Variants in B3GALNT2 observed in about 807,000 individuals in gnomAD.
B3GALNT2 encodes beta-1,3-N-acetylgalactosaminyltransferase 2, also known as UDP-GalNAc:beta-1,3-N-acetylgalactosaminyltransferase 2.
B3GALNT2 carries 53 observed loss-of-function variants against 61.1 expected under a neutral mutation model. The observed-to-expected ratio is 0.87, with a 90% CI of 0.70 to 1.09. B3GALNT2 has a LOEUF of 1.09. B3GALNT2 is among the 50% of genes least tolerant of loss of function. The pLI, the probability that B3GALNT2 is intolerant of heterozygous loss-of-function variation, is 0.00. For synonymous variants in B3GALNT2, 223 were observed against 237.4 expected (o/e 0.94, Z 0.56); for missense variants, 544 against 623.0 (o/e 0.87, Z 1.35).
At position 235,448,019 on chromosome 1, in the gene B3GALNT2, G is replaced by A. The variant is rs184489492; in HGVS notation, c.*2187C>T. Among the ~76,000 whole-genome samples, 31 of 152,100 alleles carry A rather than the reference G, an allele frequency of 2.0e-4. No homozygotes were observed. The highest frequency in any genetic ancestry group is 7.0e-4 in the African/African-American group (29 of 41,506). On this transcript the variant is annotated 3_prime_UTR_variant, in exon 12 of 12. Coordinates refer to ENST00000366600, the MANE Select transcript of B3GALNT2 (RefSeq NM_152490.5). The stretch of plus-strand genomic sequence containing the variant: ...AGGTCAGGAGTTCAAGACCAGCCTG[G>A]CCAACATGGTGAAACCCCGTCTCTA...
At chr1:235,455,450 G>A (rs950284731) in intron 9 of B3GALNT2, 109 bp downstream of exon 9, 21 of 1,225,238 alleles carry the variant, frequency 1.7e-5, no homozygotes, top group African/African-American at 1.7e-4. Context: ...AGTCTAGTAC[G>A]AAATTGTATA....
intron 8 of B3GALNT2, among the ~76,000 whole-genome samples, chr1:235,457,166 C>T (rs1378112222): frequency 1.3e-5 from 2 of 151,748 alleles, no homozygotes; most frequent in Non-Finnish European, 2.9e-5. Flanking sequence ...GAAACATTAC[C>T]TTCCATAAAC....
chr1:235,443,099 T>G, downstream of B3GALNT2: 1 of 632,854 alleles, frequency 1.6e-6, no homozygotes, highest in Non-Finnish European at 2.8e-6. Context: ...CCCCAAAAGT[T>G]CAGGTCTCCC....
chr1:235,480,015 A>T (rs1684481084), intron 5 of B3GALNT2, 39 bp downstream of exon 5: 1 of 1,610,902 alleles, frequency 6.2e-7, no homozygotes, highest in Admixed American at 1.7e-5. Flanking sequence ...CCTATGAAGG[A>T]CTGCATTGGT....
At chr1:235,480,289 G>C (rs1473385587) in intron 4 of B3GALNT2, 140 bp from the exon 5 acceptor site, 2 of 1,339,906 alleles carry the variant, frequency 1.5e-6, no homozygotes, top group Admixed American at 5.7e-5. Context: ...TTCTACTGTG[G>C]TTTTGGCATC....
rs1683968324 is a variant in B3GALNT2, at chr1:235,470,902, T to C, written c.710A>G (p.Asn237Ser). ...SQDLHGLVSRNLHKVTVNDGG... is the reference protein window; with the variant it reads ...SQDLHGLVSRSLHKVTVNDGG... ...ATCATTCACTGTCACTTTGTGGAGATTTCTTGACACAAGGCCGTGGAGGTC... is the reference window on the plus strand; with the variant it reads ...ATCATTCACTGTCACTTTGTGGAGACTTCTTGACACAAGGCCGTGGAGGTC... The change falls in exon 6 of 12, where the codon AAT becomes AGT. Residue 237 changes from asparagine (N) to serine (S), a missense_variant. Coordinates refer to ENST00000366600, the MANE Select transcript of B3GALNT2 (RefSeq NM_152490.5). 1 of 1,614,112 alleles carries C rather than the reference T, an allele frequency of 6.2e-7. No individual in the cohort carries two copies. Among genetic ancestry groups the C allele is most frequent in the Non-Finnish European group, 8.5e-7 (1 of 1,180,004 alleles).
At chr1:235,461,577 C>T (rs147682930) in intron 7 of B3GALNT2, among the ~76,000 whole-genome samples, 66 of 127,054 alleles carry the variant, frequency 5.2e-4, no homozygotes, top group South Asian at 3.1e-3. Context: ...AGTGCAGTAG[C>T]GCTATCTCGG....
At chr1:235,496,610 A>C (rs1812350) in intron 1 of B3GALNT2, among the ~76,000 whole-genome samples, 66,866 of 147,580 alleles carry the variant, frequency 0.45, 15,647 homozygotes, top group Non-Finnish European at 0.51. Flanking sequence ...AGTGGCGGCG[A>C]TCTCGGCTCA....
chr1:235,455,185 A>T (rs577336148), intron 9 of B3GALNT2, among the ~76,000 whole-genome samples: 6 of 151,996 alleles, frequency 3.9e-5, no homozygotes, highest in Admixed American at 6.5e-5. Flanking sequence ...GCAGTTGCAA[A>T]ATCATAGCTC....
At chr1:235,470,236 G>A (rs1437575084) in intron 6 of B3GALNT2, among the ~76,000 whole-genome samples, 1 of 152,070 alleles carries the variant, frequency 6.6e-6, no homozygotes, top group Non-Finnish European at 1.5e-5. Context: ...TTTTCAAGGT[G>A]AGATAGTAAA....
intron 1 of B3GALNT2, among the ~76,000 whole-genome samples, chr1:235,497,568 A>C (rs1685384471): frequency 6.6e-6 from 1 of 152,240 alleles, no homozygotes; most frequent in African/African-American, 2.4e-5. Flanking sequence ...TTGAAACATC[A>C]CTTTTAATTC....
At chr1:235,455,405 C>G (rs1169109464) in intron 9 of B3GALNT2, among the ~76,000 whole-genome samples, 154 bp downstream of exon 9, 1 of 152,094 alleles carries the variant, frequency 6.6e-6, no homozygotes, top group Non-Finnish European at 1.5e-5. Flanking sequence ...GCCAGCATGA[C>G]TGACCTAGAG....
intron 8 of B3GALNT2, among the ~76,000 whole-genome samples, chr1:235,457,714 A>G (rs576398107): frequency 2.0e-5 from 3 of 152,218 alleles, no homozygotes; most frequent in African/African-American, 7.2e-5. Flanking sequence ...GACTGGAAGT[A>G]TAAGGTGGAT....
chr1:235,474,987 A>ATTTTTTTTTTTTT (rs1160445883), intron 5 of B3GALNT2, among the ~76,000 whole-genome samples: 1 of 35,574 alleles, frequency 2.8e-5, no homozygotes, highest in Non-Finnish European at 4.9e-5. Flanking sequence ...ATATATATAT[A>ATTTTTTTTTTTTT]TTTTTTTTTT....
At chr1:235,494,456 CT>C (rs34730227) in intron 2 of B3GALNT2, among the ~76,000 whole-genome samples, 279 of 147,728 alleles carry the variant, frequency 1.9e-3, no homozygotes, top group African/African-American at 4.7e-3. Flanking sequence ...TTTTTCAGAA[CT>C]TTTTTTTTTT....
In B3GALNT2 at chr1:235,453,099, T is replaced by C. The variant is rs1215035267; in HGVS notation, c.1359A>G (p.Lys453=). 1 of 1,612,132 alleles carries C rather than the reference T, an allele frequency of 6.2e-7. No individual in the cohort carries two copies. The change falls in exon 11 of 12, where the codon AAA becomes AAG. Residue 453 remains lysine (K), a synonymous_variant. Coordinates refer to ENST00000366600, the MANE Select transcript of B3GALNT2 (RefSeq NM_152490.5). Reference sequence around the variant, plus strand: ...ATCCCCAAAGACTTACCTGGTATCTTTTAGGTCCTATGGCAGCCATCCAGA... The same window carrying C: ...ATCCCCAAAGACTTACCTGGTATCTCTTAGGTCCTATGGCAGCCATCCAGA... ...MGIWMAAIGP[K]RYQDSLWLCE...
intron 5 of B3GALNT2, 87 bp from the exon 6 acceptor site, chr1:235,471,047 A>G: frequency 6.4e-7 from 1 of 1,552,504 alleles, no homozygotes; most frequent in Non-Finnish European, 8.7e-7. Context: ...TTTTTAGAGA[A>G]AATTTTTCCC....
intron 5 of B3GALNT2, among the ~76,000 whole-genome samples, chr1:235,471,300 TG>T (rs1230707718): frequency 6.6e-6 from 1 of 152,218 alleles, no homozygotes; most frequent in African/African-American, 2.4e-5. Context: ...AGATACACCC[TG>T]ATTTACTCAT....
At chr1:235,499,743 A>G (rs1283175859) in intron 1 of B3GALNT2, among the ~76,000 whole-genome samples, 2 of 152,212 alleles carry the variant, frequency 1.3e-5, no homozygotes, top group Non-Finnish European at 2.9e-5. Context: ...AAAGGGTAGG[A>G]TCTAATGTTA....
Sources: gnomAD v4.1 joint callset for allele counts (sites outside exome capture counted in the v4.1 genomes callset) on GRCh38, gnomAD v4.1.1 for gene constraint, MANE v1.5 for transcripts, NCBI Gene and HGNC (gene_info 2026-07-23, HGNC 2026-07-21) for gene names.